The following ADAMTSL1 variants were observed in gnomAD, a reference collection of about 807,000 sequenced individuals.
The protein encoded by ADAMTSL1 is ADAMTS-like protein 1.
In ADAMTSL1, 126 loss-of-function variants were observed where a neutral mutation model predicts 201.8. The ratio of observed to expected loss-of-function variants is 0.62; its 90% confidence interval spans 0.54 to 0.72. ADAMTSL1 has a LOEUF of 0.72. Ranked by LOEUF, ADAMTSL1 falls within the 30% of genes least tolerant of loss-of-function variation. ADAMTSL1 has a pLI of 0.00. For missense variants in ADAMTSL1, 2,679 were observed against 2,277.8 expected (o/e 1.18, Z -3.59); for synonymous variants, 1,121 against 903.4 (o/e 1.24, Z -4.32).
chr9:18,838,374 C>CACACACACAA (rs775520005), intron 23 of ADAMTSL1, among the ~76,000 whole-genome samples: 2 of 112,932 alleles, frequency 1.8e-5, no homozygotes, highest in South Asian at 4.2e-4. Context: ...CACACACACA[C>CACACACACAA]ACACACACAC....
chr9:18,212,368 T>C (rs1829910403), intron 2 of ADAMTSL1, among the ~76,000 whole-genome samples: 1 of 152,196 alleles, frequency 6.6e-6, no homozygotes, highest in African/African-American at 2.4e-5. Context: ...GTGTCCATAA[T>C]TTTAAACACT....
chr9:18,102,442 G>A (rs946760935), intron 1 of ADAMTSL1, among the ~76,000 whole-genome samples: 1 of 152,162 alleles, frequency 6.6e-6, no homozygotes, highest in Non-Finnish European at 1.5e-5. Flanking sequence ...AAATATGACA[G>A]TTCACAAATG....
intron 1 of ADAMTSL1, among the ~76,000 whole-genome samples, chr9:18,139,408 G>T (rs1457123685): frequency 6.6e-6 from 1 of 152,118 alleles, no homozygotes; most frequent in African/African-American, 2.4e-5. Context: ...CATTTGTGAT[G>T]AATGAAAGCT....
At chr9:18,255,365 AAG>A in intron 2 of ADAMTSL1, among the ~76,000 whole-genome samples, 1 of 152,142 alleles carries the variant, frequency 6.6e-6, no homozygotes, top group African/African-American at 2.4e-5. Flanking sequence ...GAAAAAAAAA[AAG>A]AATGAGGCTT....
intron 2 of ADAMTSL1, chr9:18,360,729 T>G (rs1304981303): frequency 6.6e-6 from 1 of 152,156 alleles, no homozygotes; most frequent in East Asian, 1.9e-4. Flanking sequence ...TGAATATGTT[T>G]TTGAAATTTT....
chr9:18,782,536 C>T (rs1020655188), intron 19 of ADAMTSL1, among the ~76,000 whole-genome samples: 18 of 152,150 alleles, frequency 1.2e-4, no homozygotes, highest in African/African-American at 4.1e-4. Flanking sequence ...ACTTTCTTTA[C>T]GGCTGTATGC....
intron 5 of ADAMTSL1, among the ~76,000 whole-genome samples, chr9:18,632,949 C>T (rs1826870464): frequency 6.6e-6 from 1 of 152,166 alleles, no homozygotes; most frequent in Admixed American, 6.5e-5. Context: ...GGTTCTTCTC[C>T]TCTCTTTTTT....
chr9:18,636,464 A>G (rs1355937659), intron 6 of ADAMTSL1, among the ~76,000 whole-genome samples: 1 of 152,180 alleles, frequency 6.6e-6, no homozygotes, highest in African/African-American at 2.4e-5. Flanking sequence ...AGAAACACCA[A>G]ACAACCTTAA....
chr9:18,337,408 T>A (rs1421874400), intron 2 of ADAMTSL1, among the ~76,000 whole-genome samples: 1 of 152,186 alleles, frequency 6.6e-6, no homozygotes, highest in Non-Finnish European at 1.5e-5. Flanking sequence ...CTTGTGATGG[T>A]GTGAGTCGAT....
intron 2 of ADAMTSL1, among the ~76,000 whole-genome samples, chr9:18,466,356 T>C (rs1199088019): frequency 2.0e-5 from 3 of 152,208 alleles, no homozygotes; most frequent in East Asian, 3.8e-4. Flanking sequence ...TGTTATCTTA[T>C]ATTTTATTTC....
At chr9:18,777,987 C>A (rs1821163401) in intron 19 of ADAMTSL1, 81 bp downstream of exon 19, 7 of 1,490,838 alleles carry the variant, frequency 4.7e-6, no homozygotes, top group Non-Finnish European at 6.3e-6. Context: ...ACACATTCTT[C>A]AAGGTGTTTC....
At chr9:18,314,569 G>A (rs976626312) in intron 2 of ADAMTSL1, among the ~76,000 whole-genome samples, 6 of 151,506 alleles carry the variant, frequency 4.0e-5, no homozygotes, top group Admixed American at 3.9e-4. Flanking sequence ...CCTTCCTCCC[G>A]TCTGGAGTTG....
In ADAMTSL1 at chr9:18,542,070, C is replaced by A. The variant is rs73644235; in HGVS notation, c.237+8778C>A. Among the ~76,000 whole-genome samples, 805 of 152,280 alleles carry A rather than the reference C, an allele frequency of 5.3e-3. 10 individuals are homozygous for A. The highest frequency in any genetic ancestry group is 0.019 in the African/African-American group (775 of 41,552). On this transcript the variant is annotated intron_variant, in intron 3 of 28. Coordinates refer to ENST00000380548, the MANE Select transcript of ADAMTSL1 (RefSeq NM_001040272.6). Reference sequence around the variant, plus strand: ...ATCCAACTGATCACCTAATACAGAGCAGGGAGGGACTGAATAAGTTAGGGG... The same window carrying A: ...ATCCAACTGATCACCTAATACAGAGAAGGGAGGGACTGAATAAGTTAGGGG...
chr9:18,246,663 C>T (rs1384464984), intron 2 of ADAMTSL1, among the ~76,000 whole-genome samples: 1 of 152,114 alleles, frequency 6.6e-6, no homozygotes, highest in East Asian at 1.9e-4. Context: ...TTAAATTACT[C>T]ACCAGAAATT....
intron 14 of ADAMTSL1, among the ~76,000 whole-genome samples, chr9:18,716,594 G>A (rs1832954739): frequency 7.3e-6 from 1 of 136,422 alleles, no homozygotes; most frequent in African/African-American, 2.7e-5. Context: ...AACAATAGGT[G>A]CTGGAGAGGA....
intron 1 of ADAMTSL1, among the ~76,000 whole-genome samples, chr9:17,999,277 G>A (rs540928796): frequency 1.3e-5 from 2 of 151,998 alleles, no homozygotes; most frequent in East Asian, 3.9e-4. Context: ...CCTATTGTAT[G>A]TTTAGACCAG....
intron 1 of ADAMTSL1, among the ~76,000 whole-genome samples, chr9:18,022,031 A>C (rs1280160280): frequency 3.3e-5 from 5 of 152,062 alleles, no homozygotes; most frequent in Non-Finnish European, 5.9e-5. Flanking sequence ...AAAGAAAGGA[A>C]GATTCTACAC....
intron 2 of ADAMTSL1, among the ~76,000 whole-genome samples, chr9:18,312,667 C>G (rs561521777): frequency 2.6e-5 from 4 of 152,218 alleles, no homozygotes; most frequent in Admixed American, 2.6e-4. Flanking sequence ...AGCTGGGAAC[C>G]AATTTTTCAT....
chr9:18,463,829 A>G (rs1168120467), intron 2 of ADAMTSL1, among the ~76,000 whole-genome samples: 1 of 152,220 alleles, frequency 6.6e-6, no homozygotes, highest in African/African-American at 2.4e-5. Flanking sequence ...TGGGCGTACA[A>G]ATATCTGTTT....
Sources: gnomAD v4.1 joint callset for allele counts (sites outside exome capture counted in the v4.1 genomes callset) on GRCh38, gnomAD v4.1.1 for gene constraint, MANE v1.5 for transcripts, NCBI Gene and HGNC (gene_info 2026-07-23, HGNC 2026-07-21) for gene names.